Variants in SPECC1L observed in about 807,000 individuals in gnomAD.
SPECC1L encodes the protein cytospin-A.
A neutral mutation model predicts 116.8 loss-of-function variants in SPECC1L; 40 were observed. That is an observed-to-expected ratio of 0.34 (90% CI 0.27 to 0.45). SPECC1L has a LOEUF of 0.45. SPECC1L is among the 20% of genes least tolerant of loss of function. The pLI is 1.00. For missense variants in SPECC1L, 1,110 were observed against 1,373.6 expected, an observed-to-expected ratio of 0.81 and a Z score of 3.03; for synonymous variants, 504 against 500.6, an observed-to-expected ratio of 1.01 and a Z score of -0.09.
At chr22:24,310,380 A>C (rs544442249) in intron 3 of SPECC1L, among the ~76,000 whole-genome samples, 1 of 152,376 alleles carries the variant, frequency 6.6e-6, no homozygotes, top group South Asian at 2.1e-4. Context: ...AATTCCTAGA[A>C]GTGAAGTTGC....
At chr22:24,413,245 G>A (rs1230909982) in intron 16 of SPECC1L, among the ~76,000 whole-genome samples, 1 of 152,192 alleles carries the variant, frequency 6.6e-6, no homozygotes, top group Non-Finnish European at 1.5e-5. Flanking sequence ...AACCCGGCGT[G>A]TTCTCAGGTT....
At chr22:24,319,751 G>A (rs147484303) in intron 4 of SPECC1L, among the ~76,000 whole-genome samples, 1 of 152,234 alleles carries the variant, frequency 6.6e-6, no homozygotes, top group Non-Finnish European at 1.5e-5. Flanking sequence ...GCATCCTCCT[G>A]TATACCTGTT....
Position 24,322,624 on chromosome 22 carries a change from T to C in SPECC1L, c.1644T>C (p.Ile548=), listed in dbSNP as rs771775654. The change falls in exon 5 of 17, where the codon ATT becomes ATC. Residue 548 remains isoleucine (I), a synonymous_variant. Transcript: ENST00000314328. ...GCAGTCACCATATGGAGCGAATTAT[T>C]GAGTCTGAGCAGAAAGGAAAAGCAG... The part of the protein sequence containing the change: ...KERSHHMERI[I]ESEQKGKAAL... The C allele has an allele frequency of 7.4e-6, 12 of 1,614,036 alleles. No individual in the cohort carries two copies. The East Asian group carries it at 2.4e-4, about 33-fold the overall frequency.
In SPECC1L at chr22:24,340,179, C is replaced by T. The variant is rs1167105637; in HGVS notation, c.2652+1702C>T. Among the ~76,000 whole-genome samples, 7 of 117,020 alleles carry T rather than the reference C, an allele frequency of 6.0e-5. No individual in the cohort carries two copies. In the Admixed American group the frequency reaches 6.4e-4, roughly 11 times the overall value. The allele number at this position is 117,020 out of a possible 152,430, so 76.8% of individuals were successfully genotyped here. On this transcript the variant is annotated intron_variant, in intron 10 of 16. Coordinates refer to ENST00000314328, the MANE Select transcript of SPECC1L (RefSeq NM_015330.6). Reference sequence around the variant, plus strand: ...TTTTTTTTTTTTTGAGACGGAGTCTCACTCTGTTGCCCAGGCTGGAATGAA... The same window carrying T: ...TTTTTTTTTTTTTGAGACGGAGTCTTACTCTGTTGCCCAGGCTGGAATGAA...
At chr22:24,388,111 T>C (rs1400954435) in intron 14 of SPECC1L, among the ~76,000 whole-genome samples, 2 of 152,122 alleles carry the variant, frequency 1.3e-5, no homozygotes, top group African/African-American at 4.8e-5. Context: ...CTTTAAGTTT[T>C]AGGGTACATG....
At chr22:24,324,056 G>A (rs2040771448) in intron 5 of SPECC1L, among the ~76,000 whole-genome samples, 164 bp from the exon 6 acceptor site, 1 of 152,152 alleles carries the variant, frequency 6.6e-6, no homozygotes, top group Non-Finnish European at 1.5e-5. Context: ...ATCTTACCAT[G>A]GAGTGCTTTT....
intron 11 of SPECC1L, among the ~76,000 whole-genome samples, chr22:24,351,494 T>C (rs1351233444): frequency 6.6e-6 from 1 of 152,152 alleles, no homozygotes; most frequent in African/African-American, 2.4e-5. Flanking sequence ...GGCATGGGGG[T>C]ACATGCCGTC....
At chr22:24,284,479 G>C (rs926096053) in intron 2 of SPECC1L, among the ~76,000 whole-genome samples, 2 of 152,148 alleles carry the variant, frequency 1.3e-5, no homozygotes, top group East Asian at 3.9e-4. Context: ...CTGTCGCCCA[G>C]GCTGGAGTGC....
intron 3 of SPECC1L, among the ~76,000 whole-genome samples, chr22:24,310,884 T>C (rs1231650614): frequency 6.6e-6 from 1 of 152,216 alleles, no homozygotes; most frequent in Non-Finnish European, 1.5e-5. Context: ...GATCAAGTCT[T>C]TGTTTTATAA....
chr22:24,288,945 G>T (rs377330661), intron 2 of SPECC1L, among the ~76,000 whole-genome samples: 3 of 152,020 alleles, frequency 2.0e-5, no homozygotes. Context: ...TTTTAGAAAG[G>T]ATTTTTTACA....
At chr22:24,346,559 T>A (rs145041017) in intron 10 of SPECC1L, among the ~76,000 whole-genome samples, 11 of 152,316 alleles carry the variant, frequency 7.2e-5, no homozygotes, top group African/African-American at 2.6e-4. Flanking sequence ...ACTTTAAAGA[T>A]TCTCTTCCAA....
intron 14 of SPECC1L, among the ~76,000 whole-genome samples, chr22:24,388,655 C>T (rs1242910222): frequency 6.6e-6 from 1 of 152,156 alleles, no homozygotes; most frequent in African/African-American, 2.4e-5. Flanking sequence ...CCTGAGGAAT[C>T]GCCAAACTGA....
At chr22:24,317,255 C>T (rs1261707575) in intron 4 of SPECC1L, among the ~76,000 whole-genome samples, 2 of 96,330 alleles carry the variant, frequency 2.1e-5, no homozygotes, top group African/African-American at 3.8e-5. Flanking sequence ...GCTGGCCGGG[C>T]GGGGGGCTGA....
intron 14 of SPECC1L, among the ~76,000 whole-genome samples, chr22:24,401,304 G>T (rs2042468984): frequency 6.6e-6 from 1 of 152,202 alleles, no homozygotes; most frequent in Non-Finnish European, 1.5e-5. Context: ...GATTCTGTTG[G>T]TTCCTTCCCC....
chr22:24,369,764 A>G (rs532450282), intron 14 of SPECC1L, among the ~76,000 whole-genome samples: 5 of 152,332 alleles, frequency 3.3e-5, no homozygotes, highest in East Asian at 3.9e-4. Flanking sequence ...ACAGTACCCA[A>G]TATTTCCAAT....
intron 8 of SPECC1L, among the ~76,000 whole-genome samples, chr22:24,331,182 AG>A (rs550559900): frequency 3.0e-4 from 45 of 152,318 alleles, no homozygotes; most frequent in South Asian, 2.3e-3. Flanking sequence ...AGTAGGGGAT[AG>A]TATTTTTGTG....
chr22:24,363,727 A>T (rs2041691138), intron 12 of SPECC1L, among the ~76,000 whole-genome samples: 1 of 152,180 alleles, frequency 6.6e-6, no homozygotes, highest in Non-Finnish European at 1.5e-5. Flanking sequence ...AAGAATTGAC[A>T]TTGAACGAAA....
intron 14 of SPECC1L, among the ~76,000 whole-genome samples, chr22:24,370,947 A>G (rs1251561578): frequency 1.3e-5 from 2 of 152,136 alleles, no homozygotes; most frequent in Non-Finnish European, 2.9e-5. Context: ...GGGGGTGGGT[A>G]CACAGTTTAG....
chr22:24,348,620 T>C (rs1222618445), intron 11 of SPECC1L, among the ~76,000 whole-genome samples: 3 of 152,218 alleles, frequency 2.0e-5, no homozygotes, highest in African/African-American at 7.2e-5. Flanking sequence ...AGTGGAAGGT[T>C]TAAAGTTTTC....
Sources: allele counts gnomAD v4.1 joint callset (sites outside exome capture counted in the v4.1 genomes callset), GRCh38; gene constraint gnomAD v4.1.1; transcripts MANE v1.5; gene names NCBI Gene and HGNC (gene_info 2026-07-23, HGNC 2026-07-21).